Variants in MSRA observed in about 807,000 individuals in gnomAD.
MSRA encodes the protein methionine sulfoxide reductase A.
Under a neutral mutation model 31.3 loss-of-function variants are expected in MSRA, and 54 were observed. The ratio of observed to expected loss-of-function variants is 1.73; its 90% CI spans 1.39 to 2.17. The LOEUF (loss-of-function observed/expected upper bound fraction) is 2.17, where lower values mean the gene tolerates loss of function less well. MSRA is among the 30% of genes most tolerant of loss of function. The pLI, the probability that MSRA is intolerant of heterozygous loss-of-function variation, is 0.00. For synonymous variants in MSRA, 169 were observed against 116.5 expected (o/e 1.45, Z -2.90); for missense variants, 507 against 300.9 (o/e 1.69, Z -5.07).
intron 5 of MSRA, chr8:10,337,507 A>T (rs1413507223): frequency 1.4e-5 from 8 of 565,384 alleles, no homozygotes; most frequent in African/African-American, 9.5e-5. Context: ...AGATGAATCC[A>T]AAAAGACTGT....
intron 5 of MSRA, among the ~76,000 whole-genome samples, chr8:10,379,274 C>T (rs942784202): frequency 6.6e-6 from 1 of 151,836 alleles, no homozygotes; most frequent in Admixed American, 6.6e-5. Context: ...AAGCCCTCAA[C>T]ATGAAGTGAT....
chr8:10,209,764 T>C lies in MSRA; in HGVS notation c.211+1863T>C, dbSNP rs540292217. Among the ~76,000 whole-genome samples the C allele has an allele frequency of 2.0e-5, 3 of 152,274 alleles. No individual in the cohort carries two copies. In the South Asian group the frequency reaches 6.2e-4, roughly 32 times the overall value. On this transcript the variant is annotated intron_variant, in intron 2 of 5. Coordinates refer to ENST00000317173, the MANE Select transcript of MSRA (RefSeq NM_012331.5). The stretch of plus-strand genomic sequence containing the variant: ...CTCTTACGCCTTCAGGACTGAAAGC[T>C]CTTGGAGCAGGGGGCAGCCCCTGGG...
At chr8:10,405,300 A>T (rs1454948069) in intron 5 of MSRA, among the ~76,000 whole-genome samples, 1 of 152,152 alleles carries the variant, frequency 6.6e-6, no homozygotes, top group Middle Eastern at 3.4e-3. Flanking sequence ...TCGGCCACCC[A>T]TCGCCCTGCC....
chr8:10,364,245 G>A (rs528554401), intron 5 of MSRA, among the ~76,000 whole-genome samples: 11 of 152,288 alleles, frequency 7.2e-5, no homozygotes, highest in Middle Eastern at 3.4e-3. Context: ...TCGGACTGTG[G>A]TGCTTTGGAT....
chr8:10,226,539 T>A (rs1327105244), intron 2 of MSRA, among the ~76,000 whole-genome samples: 1 of 152,192 alleles, frequency 6.6e-6, no homozygotes, highest in Admixed American at 6.5e-5. Flanking sequence ...ATTGGCTCAT[T>A]GGAATTCCAT....
At chr8:10,230,976 G>C (rs113536795) in intron 2 of MSRA, among the ~76,000 whole-genome samples, 37,287 of 152,140 alleles carry the variant, frequency 0.25, 5,766 homozygotes, top group Non-Finnish European at 0.36. Flanking sequence ...GTAGAGATAG[G>C]GTTTCACCGT....
chr8:10,275,761 G>T (rs1377098391), intron 3 of MSRA, among the ~76,000 whole-genome samples: 1 of 152,126 alleles, frequency 6.6e-6, no homozygotes, highest in East Asian at 1.9e-4. Context: ...CACAAAACAG[G>T]AAACCTCAGT....
At chr8:10,316,573 T>C (rs892450268) in intron 4 of MSRA, among the ~76,000 whole-genome samples, 1 of 140,094 alleles carries the variant, frequency 7.1e-6, no homozygotes, top group Non-Finnish European at 1.6e-5. Context: ...TCTCTCTCTC[T>C]CCTTCCTCCT....
At chr8:10,242,559 G>A (rs1237438316) in intron 2 of MSRA, among the ~76,000 whole-genome samples, 1 of 151,720 alleles carries the variant, frequency 6.6e-6, no homozygotes, top group Non-Finnish European at 1.5e-5. Context: ...TGTTTTGTGT[G>A]GTTTTTTTGC....
At chr8:10,382,983 G>A (rs982941964) in intron 5 of MSRA, among the ~76,000 whole-genome samples, 1 of 152,214 alleles carries the variant, frequency 6.6e-6, no homozygotes, top group African/African-American at 2.4e-5. Context: ...GATGTGAGAG[G>A]ACAATCCCTG....
At chr8:10,407,628 G>C (rs1167928439) in intron 5 of MSRA, among the ~76,000 whole-genome samples, 1 of 152,164 alleles carries the variant, frequency 6.6e-6, no homozygotes, top group Non-Finnish European at 1.5e-5. Context: ...CTCCGGGTTT[G>C]CACGGGGTGC....
chr8:10,399,533 A>T (rs529421135), intron 5 of MSRA, among the ~76,000 whole-genome samples: 1 of 152,276 alleles, frequency 6.6e-6, no homozygotes, highest in Admixed American at 6.5e-5. Context: ...CTTTGCCTTC[A>T]GCCATAAGTA....
At chr8:10,293,013 G>A (rs1332967405) in intron 3 of MSRA, among the ~76,000 whole-genome samples, 3 of 152,196 alleles carry the variant, frequency 2.0e-5, no homozygotes, top group Admixed American at 6.5e-5. Flanking sequence ...AGGAGGGCTT[G>A]TTGGCCTCTG....
At chr8:10,065,405 C>G (rs1246033986) in intron 1 of MSRA, among the ~76,000 whole-genome samples, 1 of 152,202 alleles carries the variant, frequency 6.6e-6, no homozygotes, top group Non-Finnish European at 1.5e-5. Context: ...CAGGCTTATG[C>G]TCATACTAAC....
intron 1 of MSRA, among the ~76,000 whole-genome samples, chr8:10,170,992 C>T (rs755843615): frequency 6.6e-6 from 1 of 152,176 alleles, no homozygotes; most frequent in Non-Finnish European, 1.5e-5. Context: ...GATATCTTCC[C>T]CTAGCTCTTG....
intron 2 of MSRA, among the ~76,000 whole-genome samples, chr8:10,227,202 C>T (rs183437749): frequency 7.9e-5 from 12 of 152,108 alleles, no homozygotes; most frequent in Middle Eastern, 6.8e-3. Context: ...ACGACGAGGC[C>T]CGTGGAGTTA....
intron 5 of MSRA, among the ~76,000 whole-genome samples, chr8:10,357,657 C>T (rs1033954094): frequency 1.3e-5 from 2 of 152,196 alleles, no homozygotes; most frequent in Non-Finnish European, 2.9e-5. Flanking sequence ...ACCATTTCTC[C>T]AAGAAATCTG....
chr8:10,259,525 G>A (rs1431735009), intron 3 of MSRA, among the ~76,000 whole-genome samples: 1 of 152,076 alleles, frequency 6.6e-6, no homozygotes. Context: ...CCCTGCTCCT[G>A]TGGCTGGGGG....
intron 5 of MSRA, 35 bp downstream of exon 5, chr8:10,320,024 G>A: frequency 6.9e-7 from 1 of 1,458,012 alleles, no homozygotes; most frequent in Non-Finnish European, 9.4e-7. Flanking sequence ...CCTGGCTTAG[G>A]CCACCATGAC....
Sources: gnomAD v4.1 joint callset for allele counts (sites outside exome capture counted in the v4.1 genomes callset) on GRCh38, gnomAD v4.1.1 for gene constraint, MANE v1.5 for transcripts, NCBI Gene and HGNC (gene_info 2026-07-23, HGNC 2026-07-21) for gene names.